The following DOCK1 variants were observed in gnomAD, a reference collection of about 807,000 sequenced individuals.
DOCK1 encodes the protein dedicator of cytokinesis protein 1.
In DOCK1, 138 loss-of-function variants were observed where a neutral mutation model predicts 262.7. That is an observed-to-expected ratio of 0.53 (90% CI 0.46 to 0.61). The LOEUF is 0.61. Ranked by LOEUF, DOCK1 falls within the 20% of genes least tolerant of loss-of-function variation. The pLI is 0.00. For missense variants in DOCK1, 1,908 were observed against 2,370.7 expected, an observed-to-expected ratio of 0.80 and a Z score of 4.05; for synonymous variants, 866 against 867.4, an observed-to-expected ratio of 1.00 and a Z score of 0.03.
chr10:127,201,966 T>TCCTCATATGA (rs1395829010), intron 27 of DOCK1, among the ~76,000 whole-genome samples: 1 of 152,190 alleles, frequency 6.6e-6, no homozygotes, highest in Non-Finnish European at 1.5e-5. Context: ...TTGAGCCTGC[T>TCCTCATATGA]GAAGCCACCT....
At chr10:127,236,821 C>T (rs2059085309) in intron 27 of DOCK1, among the ~76,000 whole-genome samples, 1 of 152,072 alleles carries the variant, frequency 6.6e-6, no homozygotes, top group African/African-American at 2.4e-5. Context: ...TAGCCAGCCA[C>T]TGTGCAAATA....
chr10:127,426,066 T>C, intron 47 of DOCK1, 55 bp downstream of exon 47: 1 of 1,608,036 alleles, frequency 6.2e-7, no homozygotes, highest in Non-Finnish European at 8.5e-7. Context: ...GGCATCCCAC[T>C]GTTGAACAGG....
In DOCK1 at chr10:126,991,231, CTA is replaced by C. The variant is rs1394977548; in HGVS notation, c.473+630_473+631del. ...TCACCCCTGCCTACAGCTGTACCTT[CTA>C]TGTTAGCACGTGTTTTTTGATGCTG... On this transcript the variant is annotated intron_variant, in intron 6 of 51. Coordinates refer to ENST00000623213, the MANE Select transcript of DOCK1 (RefSeq NM_001290223.2). Among the ~76,000 whole-genome samples, 3 of 152,310 alleles carry C rather than the reference CTA, an allele frequency of 2.0e-5. No homozygotes were observed. In the East Asian group the frequency reaches 5.8e-4, roughly 29 times the overall value.
At chr10:127,186,672 T>C in intron 27 of DOCK1, among the ~76,000 whole-genome samples, 1 of 151,898 alleles carries the variant, frequency 6.6e-6, no homozygotes, top group East Asian at 1.9e-4. Flanking sequence ...TTTCCTGTTC[T>C]TTAGACTGAG....
At chr10:127,347,880 TTCCCA>T (rs1565012418) in intron 31 of DOCK1, among the ~76,000 whole-genome samples, 1 of 25,672 alleles carries the variant, frequency 3.9e-5, no homozygotes, top group Non-Finnish European at 7.2e-5. Context: ...TTCCCTTCCC[TTCCCA>T]TCCCTTCCCT....
chr10:127,338,599 C>A (rs572045011), intron 29 of DOCK1, among the ~76,000 whole-genome samples: 2 of 152,268 alleles, frequency 1.3e-5, no homozygotes, highest in Non-Finnish European at 1.5e-5. Flanking sequence ...CAGCTCCTTG[C>A]GAAGAGTGCT....
At chr10:126,958,380 A>G (rs1471096204) in intron 1 of DOCK1, among the ~76,000 whole-genome samples, 1 of 152,132 alleles carries the variant, frequency 6.6e-6, no homozygotes, top group Non-Finnish European at 1.5e-5. Context: ...TTAAACTCAC[A>G]GGGTTTGTTG....
chr10:127,239,713 T>C (rs1164583577), intron 27 of DOCK1, among the ~76,000 whole-genome samples: 1 of 152,176 alleles, frequency 6.6e-6, no homozygotes, highest in Non-Finnish European at 1.5e-5. Context: ...TTTCAGATCC[T>C]CTATATCATG....
At chr10:126,936,627 A>G (rs2034574790) in intron 1 of DOCK1, among the ~76,000 whole-genome samples, 1 of 152,212 alleles carries the variant, frequency 6.6e-6, no homozygotes, top group African/African-American at 2.4e-5. Flanking sequence ...TATTGGTTCA[A>G]AGTATTTCAT....
intron 1 of DOCK1, among the ~76,000 whole-genome samples, chr10:126,926,918 A>G (rs1219506401): frequency 6.6e-6 from 1 of 152,218 alleles, no homozygotes; most frequent in Admixed American, 6.5e-5. Flanking sequence ...TGTTATTAGA[A>G]GCCACCAAGC....
rs1487794957 is a variant in DOCK1, at chr10:127,170,524, A to G, written c.2847+42760A>G. Among the ~76,000 whole-genome samples, 4 of 152,224 alleles carry G rather than the reference A, an allele frequency of 2.6e-5. No individual in the cohort carries two copies. The East Asian group carries it at 5.8e-4, about 22-fold the overall frequency. On this transcript the variant is annotated intron_variant, in intron 27 of 51. Coordinates refer to ENST00000623213, the MANE Select transcript of DOCK1 (RefSeq NM_001290223.2). ...AGTATCATTAGGCTGTCACCAGCCA[A>G]TGGACACTTCAAGAGACTAAATGTT...
intron 23 of DOCK1, among the ~76,000 whole-genome samples, chr10:127,101,795 G>T (rs2048268064): frequency 6.6e-6 from 1 of 152,210 alleles, no homozygotes; most frequent in Non-Finnish European, 1.5e-5. Flanking sequence ...GGCGGTTGAT[G>T]CTTTGCTGGG....
At chr10:127,136,059 A>G (rs558196298) in intron 27 of DOCK1, 1 of 152,712 alleles carries the variant, frequency 6.5e-6, no homozygotes, top group East Asian at 1.9e-4. Flanking sequence ...TTTTATTGAT[A>G]TTCAGGGATT....
intron 25 of DOCK1, among the ~76,000 whole-genome samples, chr10:127,114,776 G>A (rs1340552925): frequency 7.2e-5 from 6 of 83,052 alleles, no homozygotes; most frequent in Non-Finnish European, 1.4e-4. Flanking sequence ...TTTTTTTTTT[G>A]AGATGGAGTC....
intron 16 of DOCK1, 45 bp downstream of exon 16, chr10:127,026,469 A>G (rs1270768830): frequency 4.5e-6 from 7 of 1,542,752 alleles, no homozygotes; most frequent in Non-Finnish European, 6.1e-6. Flanking sequence ...TTTAAGGGAG[A>G]ACTGGGGGAA....
intron 40 of DOCK1, 42 bp from the exon 41 acceptor site, chr10:127,408,995 C>T: frequency 1.9e-6 from 3 of 1,550,482 alleles, no homozygotes; most frequent in Non-Finnish European, 2.6e-6. Flanking sequence ...TCTTCCTGGC[C>T]CTTTCTCTGT....
chr10:127,052,665 T>C lies in DOCK1; in HGVS notation c.2202-16T>C. 1.2e-6 allele frequency: 2 copies of C among 1,614,022 alleles called. No individual in the cohort carries two copies. The highest frequency in any genetic ancestry group is 4.5e-5 in the East Asian group (2 of 44,882). On this transcript the variant is annotated splice_polypyrimidine_tract_variant and intron_variant, in intron 21 of 51. Coordinates refer to ENST00000623213, the MANE Select transcript of DOCK1 (RefSeq NM_001290223.2). ...CCTTTCCTGAGCTTATTTGTGCGTGTTTGCATTGTGAATAGGAAGTTGACA... is the reference window on the plus strand; with the variant it reads ...CCTTTCCTGAGCTTATTTGTGCGTGCTTGCATTGTGAATAGGAAGTTGACA...
chr10:127,127,883 G>T, intron 27 of DOCK1, 119 bp downstream of exon 27: 12 of 738,212 alleles, frequency 1.6e-5, no homozygotes, highest in Non-Finnish European at 2.2e-5. Flanking sequence ...GATACAGCTT[G>T]GTATATAAAA....
intron 31 of DOCK1, among the ~76,000 whole-genome samples, chr10:127,352,503 A>G (rs1462530173): frequency 6.6e-6 from 1 of 152,100 alleles, no homozygotes; most frequent in Non-Finnish European, 1.5e-5. Flanking sequence ...CCCTGGGATC[A>G]TTATCATTCT....
Sources: gnomAD v4.1 joint callset for allele counts (sites outside exome capture counted in the v4.1 genomes callset) on GRCh38, gnomAD v4.1.1 for gene constraint, MANE v1.5 for transcripts, NCBI Gene and HGNC (gene_info 2026-07-23, HGNC 2026-07-21) for gene names.